The following ARPP21 variants were observed in gnomAD, a reference collection of about 807,000 sequenced individuals.
ARPP21 encodes cAMP-regulated phosphoprotein 21.
A neutral mutation model predicts 113.2 loss-of-function variants in ARPP21; 69 were observed. That is an observed-to-expected ratio of 0.61 (90% CI 0.50 to 0.74). ARPP21 has a LOEUF of 0.74. Ranked by LOEUF, ARPP21 falls within the 30% of genes least tolerant of loss-of-function variation. The pLI is 0.00. For missense variants in ARPP21, 1,070 were observed against 1,037.4 expected, an observed-to-expected ratio of 1.03 and a Z score of -0.43; for synonymous variants, 368 against 375.5, an observed-to-expected ratio of 0.98 and a Z score of 0.23.
intron 9 of ARPP21, among the ~76,000 whole-genome samples, chr3:35,703,671 C>G (rs1051025691): frequency 1.3e-5 from 2 of 151,340 alleles, no homozygotes; most frequent in African/African-American, 2.4e-5. Flanking sequence ...ATGAATGATG[C>G]AGGGCTGTAA....
At chr3:35,681,959 A>AT (rs1439524138) in intron 3 of ARPP21, 79 bp downstream of exon 3, 2 of 1,444,484 alleles carry the variant, frequency 1.4e-6, no homozygotes, top group Non-Finnish European at 1.9e-6. Context: ...TACTTTAGAG[A>AT]TTTATTTTTT....
rs186683067 is a variant in ARPP21 at position 35,686,159 on chromosome 3, T to A, written c.262-1580T>A. ...CCTGGGAGCCCTCAGTTTCCCTTGA[T>A]GATTAACTGTCAAACTGAATCTTCC... On this transcript the variant is annotated intron_variant, in intron 5 of 20. Transcript: ENST00000684406. 2.6e-5 allele frequency among the ~76,000 whole-genome samples: 4 copies of A among 151,768 alleles called. 1 individual carries two copies. Among genetic ancestry groups the A allele is most frequent in the African/African-American group, 7.2e-5 (3 of 41,502 alleles).
intron 5 of ARPP21, 56 bp downstream of exon 5, chr3:35,683,871 A>G (rs1397543930): frequency 1.0e-6 from 1 of 956,056 alleles, no homozygotes; most frequent in East Asian, 2.4e-5. Context: ...CTTTGTGTGC[A>G]TGACTCTTAA....
intron 18 of ARPP21, among the ~76,000 whole-genome samples, chr3:35,740,033 A>C (rs1394894997): frequency 1.3e-5 from 2 of 152,226 alleles, no homozygotes; most frequent in Non-Finnish European, 2.9e-5. Flanking sequence ...TGCTCCAGGC[A>C]GGAGCTCCTC....
chr3:35,745,305 G>GT (rs2094956282), intron 19 of ARPP21, among the ~76,000 whole-genome samples: 1 of 152,202 alleles, frequency 6.6e-6, no homozygotes. Flanking sequence ...CTGTAGAAAT[G>GT]TGTTGCTTGC....
intron 19 of ARPP21, among the ~76,000 whole-genome samples, chr3:35,785,630 G>A (rs532590244): frequency 2.6e-5 from 4 of 152,194 alleles, no homozygotes; most frequent in Non-Finnish European, 5.9e-5. Context: ...TGGTTCATCT[G>A]ATGTGTACTG....
intron 19 of ARPP21, among the ~76,000 whole-genome samples, chr3:35,756,298 A>G (rs185834519): frequency 2.0e-4 from 30 of 152,154 alleles, no homozygotes; most frequent in African/African-American, 7.0e-4. Context: ...TAACTTAGGC[A>G]CTCTGTTTAG....
intron 9 of ARPP21, among the ~76,000 whole-genome samples, chr3:35,693,803 A>G (rs2082967883): frequency 6.6e-6 from 1 of 151,568 alleles, no homozygotes; most frequent in Admixed American, 6.6e-5. Flanking sequence ...CATTTATTTA[A>G]AGGAGGGAAT....
chr3:35,664,089 A>T (rs1004334029), intron 1 of ARPP21, among the ~76,000 whole-genome samples: 1 of 152,240 alleles, frequency 6.6e-6, no homozygotes, highest in Non-Finnish European at 1.5e-5. Flanking sequence ...AAGCTTGCAG[A>T]CAATATCTAA....
chr3:35,769,945 T>C (rs28420611), intron 19 of ARPP21, among the ~76,000 whole-genome samples: 5 of 152,194 alleles, frequency 3.3e-5, no homozygotes, highest in African/African-American at 1.2e-4. Context: ...TGTACAACTC[T>C]TGTGGGAGTG....
chr3:35,762,898 G>C (rs2095834221), intron 19 of ARPP21, among the ~76,000 whole-genome samples: 1 of 152,106 alleles, frequency 6.6e-6, no homozygotes, highest in African/African-American at 2.4e-5. Flanking sequence ...CAATGCTGGT[G>C]AGGAGGGGCC....
At chr3:35,776,437 G>A (rs1441609502) in intron 19 of ARPP21, among the ~76,000 whole-genome samples, 1 of 152,166 alleles carries the variant, frequency 6.6e-6, no homozygotes, top group Non-Finnish European at 1.5e-5. Flanking sequence ...AGCAGAGGAA[G>A]GGTGGGCAAC....
At chr3:35,733,052 T>A (rs1419768086) in intron 15 of ARPP21, among the ~76,000 whole-genome samples, 2 of 152,218 alleles carry the variant, frequency 1.3e-5, no homozygotes, top group Non-Finnish European at 2.9e-5. Context: ...CTCTCTCTTT[T>A]TAAATAATTA....
At chr3:35,755,133 G>A (rs1159683991) in intron 19 of ARPP21, among the ~76,000 whole-genome samples, 1 of 151,944 alleles carries the variant, frequency 6.6e-6, no homozygotes, top group Non-Finnish European at 1.5e-5. Flanking sequence ...TTATTTAACT[G>A]AATGAAATCT....
At chr3:35,725,200 C>T (rs1055018779) in intron 14 of ARPP21, among the ~76,000 whole-genome samples, 1 of 152,096 alleles carries the variant, frequency 6.6e-6, no homozygotes, top group Non-Finnish European at 1.5e-5. Flanking sequence ...AGGCTCCTAT[C>T]CTCCCACAGA....
At chr3:35,765,440 C>A (rs547319499) in intron 19 of ARPP21, among the ~76,000 whole-genome samples, 1 of 152,090 alleles carries the variant, frequency 6.6e-6, no homozygotes, top group Non-Finnish European at 1.5e-5. Flanking sequence ...TTAACTGGAT[C>A]CCCTCTTTCA....
chr3:35,718,914 A>C (rs1331402736), intron 13 of ARPP21, among the ~76,000 whole-genome samples: 2 of 151,686 alleles, frequency 1.3e-5, no homozygotes, highest in Admixed American at 6.6e-5. Flanking sequence ...CTGTGCAAAA[A>C]AAAAAAAAAA....
chr3:35,675,238 T>C (rs2077195176), intron 1 of ARPP21, among the ~76,000 whole-genome samples: 2 of 151,496 alleles, frequency 1.3e-5, no homozygotes, highest in South Asian at 2.1e-4. Flanking sequence ...AATAGAATGA[T>C]GTTGGAAATG....
At chr3:35,775,060 A>C (rs1012627198) in intron 19 of ARPP21, 3 of 152,140 alleles carry the variant, frequency 2.0e-5, no homozygotes, top group African/African-American at 7.2e-5. Flanking sequence ...ATACAAATTA[A>C]TATAACCATT....
Sources: allele counts gnomAD v4.1 joint callset (sites outside exome capture counted in the v4.1 genomes callset), GRCh38; gene constraint gnomAD v4.1.1; transcripts MANE v1.5; gene names NCBI Gene and HGNC (gene_info 2026-07-23, HGNC 2026-07-21).